The following TSGA10IP variants were observed in gnomAD, a reference collection of about 807,000 sequenced individuals.
The protein encoded by TSGA10IP is testis specific 10 interacting protein, also known as testis-specific protein 10-interacting protein.
A neutral mutation model predicts 63.2 loss-of-function variants in TSGA10IP; 64 were observed. The ratio of observed to expected loss-of-function variants is 1.01; its 90% CI spans 0.83 to 1.25. The LOEUF (loss-of-function observed/expected upper bound fraction) is 1.25. TSGA10IP is among the 50% of genes most tolerant of loss of function. The pLI is 0.00. For synonymous variants in TSGA10IP, 316 were observed against 298.3 expected (o/e 1.06, Z -0.61); for missense variants, 681 against 710.1 (o/e 0.96, Z 0.47).
At position 65,953,653 on chromosome 11, in the gene TSGA10IP, G is replaced by A. The variant is rs112417952; in HGVS notation, c.1238G>A (p.Arg413Gln). 1.7e-4 allele frequency: 271 copies of A among 1,590,620 alleles called. 8 individuals carry two copies. Among genetic ancestry groups the A allele is most frequent in the African/African-American group, 1.3e-3 (96 of 73,444 alleles). Reference sequence around the variant, plus strand: ...CGGGCCCGGACACAGCATGTACAGCGGCAGGTGGCCCACTGCCTGGCAGCC... The same window carrying A: ...CGGGCCCGGACACAGCATGTACAGCAGCAGGTGGCCCACTGCCTGGCAGCC... Residue 413 changes from arginine (R) to glutamine (Q), a missense_variant, in exon 5 of 8, where the codon CGG becomes CAG. Physicochemically the swap from Arg to Gln is conservative, Grantham distance 43 (BLOSUM62 1). Transcript: ENST00000532620.
chr11:65,947,025 C>G lies in TSGA10IP; in HGVS notation c.284+9C>G. The G allele has an allele frequency of 6.2e-7, 1 of 1,613,888 alleles. No homozygotes were observed. Among genetic ancestry groups the G allele is most frequent in the Non-Finnish European group, 8.5e-7 (1 of 1,179,854 alleles). On this transcript the variant is annotated intron_variant, in intron 2 of 7. Coordinates refer to ENST00000532620, the Ensembl canonical transcript of TSGA10IP. ...TCTGAAGAGTCTGAAGAGTAAGCAG[C>G]AGTGGGATGGGTCAGGAGGCTGTTG... is the stretch of plus-strand genomic sequence containing the variant.
At chr11:65,959,257 A>T (rs753517722) in exon 7 of TSGA10IP, 1 of 1,610,514 alleles carries the variant, frequency 6.2e-7, no homozygotes, top group Non-Finnish European at 8.5e-7. Context: ...CTGGATGAGG[A>T]GCAGCTGCTG....
Position 65,953,552 on chromosome 11 carries a change from C to G in TSGA10IP, c.1152-15C>G, listed in dbSNP as rs1591115786. On this transcript the variant is annotated splice_polypyrimidine_tract_variant and intron_variant, in intron 4 of 7. Transcript: ENST00000532620. ...GCCCGTGAACCTCTCATTCCCCTTC[C>G]CTTTCTCACCCAAGGAGCCTGCTGC... 4.5e-6 allele frequency: 7 copies of G among 1,558,560 alleles called. No individual in the cohort carries two copies. Among genetic ancestry groups the G allele is most frequent in the Admixed American group, 1.9e-5 (1 of 51,566 alleles).
intron 2 of TSGA10IP, 26 bp from the exon 3 acceptor site, chr11:65,947,084 C>G: frequency 6.2e-7 from 1 of 1,609,042 alleles, no homozygotes; most frequent in East Asian, 2.2e-5. Flanking sequence ...GGCGCCGACC[C>G]TGACCCCCAC....
intron 1 of TSGA10IP, among the ~76,000 whole-genome samples, chr11:65,946,187 C>T (rs764352767): frequency 2.0e-5 from 3 of 152,260 alleles, no homozygotes; most frequent in Non-Finnish European, 1.5e-5. Flanking sequence ...GGTGGCCTAG[C>T]GCAATGGTGA....
At position 65,956,861 on chromosome 11, in the gene TSGA10IP, G is replaced by A. The variant is rs79675131; in HGVS notation, c.1323-2022G>A. 2.6e-3 allele frequency among the ~76,000 whole-genome samples: 391 copies of A among 152,220 alleles called. 2 individuals are homozygous for A. Among genetic ancestry groups the A allele is most frequent in the Non-Finnish European group, 4.6e-3 (315 of 68,014 alleles). On this transcript the variant is annotated intron_variant, in intron 5 of 7. Coordinates refer to ENST00000532620, the Ensembl canonical transcript of TSGA10IP. ...TTGTTTTCACAGTGAGGCAGGAAGT[G>A]TAAGGTTCAGAACTCCAAGTGGCAG...
rs114500482 is a variant in TSGA10IP at position 65,945,750 on chromosome 11, C to G, written c.75C>G (p.Asp25Glu). 2,173 of 1,613,074 alleles carry G rather than the reference C, an allele frequency of 1.3e-3. 21 individuals carry two copies. In the African/African-American group the frequency reaches 0.022, roughly 17 times the overall value. ...CCCCGTCGGTGCGACCAGGGCAGGA[C>G]GTGCGGCTCCAGGCTCCAGGAACCA... The change falls in exon 1 of 8, where the codon GAC becomes GAG. Residue 25 changes from aspartate to glutamate, a missense_variant. Transcript: ENST00000532620.
chr11:65,959,015 C>G (rs1039635784), intron 6 of TSGA10IP, 33 bp downstream of exon 6: 1 of 1,606,900 alleles, frequency 6.2e-7, no homozygotes, highest in African/African-American at 1.3e-5. Flanking sequence ...CACATAGCTG[C>G]CCCCTGTGAA....
intron 5 of TSGA10IP, among the ~76,000 whole-genome samples, chr11:65,954,529 G>C (rs945923600): frequency 6.6e-6 from 1 of 151,992 alleles, no homozygotes; most frequent in Non-Finnish European, 1.5e-5. Flanking sequence ...ACTCCTAACA[G>C]GTCCGTGAAG....
exon 1 of TSGA10IP, chr11:65,945,690 C>T (rs756616985): frequency 6.2e-6 from 10 of 1,611,944 alleles, no homozygotes; most frequent in South Asian, 2.2e-5. Flanking sequence ...GGCAGGACAC[C>T]GATATGCTAA....
At chr11:65,945,875 G>A in intron 1 of TSGA10IP, 53 bp downstream of exon 1, 1 of 1,591,938 alleles carries the variant, frequency 6.3e-7, no homozygotes, top group Non-Finnish European at 8.6e-7. Context: ...AGGTGGGTCA[G>A]GGAGGCCTGG....
At position 65,958,866 on chromosome 11, in the gene TSGA10IP, G is replaced by T. The variant is rs528548237; in HGVS notation, c.1323-17G>T. 9.4e-5 allele frequency: 151 copies of T among 1,605,628 alleles called. 1 individual carries two copies. In the Middle Eastern group the frequency reaches 9.9e-4, roughly 11 times the overall value. On this transcript the variant is annotated splice_polypyrimidine_tract_variant and intron_variant, in intron 5 of 7. Transcript: ENST00000532620. ...TGTGTCCATGGTTAGCTGCACAAAG[G>T]CCTGTCTCCCCTGCAGGCGCCAGGA...
chr11:65,949,081 G>C (rs562712422), intron 4 of TSGA10IP, among the ~76,000 whole-genome samples: 1 of 152,182 alleles, frequency 6.6e-6, no homozygotes, highest in Admixed American at 6.5e-5. Flanking sequence ...GAAAGTGTCT[G>C]TAGCCCCAGC....
chr11:65,947,462 A>G, exon 3 of TSGA10IP: 2 of 1,613,516 alleles, frequency 1.2e-6, no homozygotes, highest in Admixed American at 1.7e-5. Context: ...GGCGTCCGAC[A>G]AGCAGGTCCA....
chr11:65,948,433 T>C (rs1854885799), intron 4 of TSGA10IP, among the ~76,000 whole-genome samples: 2 of 152,334 alleles, frequency 1.3e-5, no homozygotes, highest in African/African-American at 4.8e-5. Flanking sequence ...CATCTTTTGT[T>C]CCATCCATCC....
exon 4 of TSGA10IP, chr11:65,948,002 C>A: frequency 6.4e-7 from 1 of 1,558,278 alleles, no homozygotes; most frequent in Non-Finnish European, 8.7e-7. Flanking sequence ...TGTGGGCAGG[C>A]CCCCAAAAGC....
intron 5 of TSGA10IP, among the ~76,000 whole-genome samples, chr11:65,956,059 GGGTGAGGGTCCT>G (rs1160631767): frequency 1.3e-5 from 2 of 152,138 alleles, no homozygotes; most frequent in East Asian, 3.8e-4. Context: ...GTGGCAAGTG[GGGTGAGGGTCCT>G]GCCCTGCCTT....
intron 5 of TSGA10IP, among the ~76,000 whole-genome samples, chr11:65,956,999 C>T (rs547490292): frequency 1.3e-5 from 2 of 152,226 alleles, no homozygotes; most frequent in African/African-American, 2.4e-5. Context: ...CTATGAACTT[C>T]GCTGTCTGAG....
intron 2 of TSGA10IP, 34 bp from the exon 3 acceptor site, chr11:65,947,076 C>A: frequency 6.2e-7 from 1 of 1,607,026 alleles, no homozygotes; most frequent in South Asian, 1.1e-5. Flanking sequence ...TGGGGGCTGG[C>A]GCCGACCCTG....
Sources: allele counts gnomAD v4.1 joint callset (sites outside exome capture counted in the v4.1 genomes callset), GRCh38; gene constraint gnomAD v4.1.1; transcripts MANE v1.5; gene names NCBI Gene and HGNC (gene_info 2026-07-23, HGNC 2026-07-21).